The following SLCO1A2 variants were observed in gnomAD, a reference collection of about 807,000 sequenced individuals.
SLCO1A2 encodes OATP-1.
SLCO1A2 carries 67 observed loss-of-function variants against 69.0 expected under a neutral mutation model. That is an observed-to-expected ratio of 0.97 (90% CI 0.80 to 1.19). SLCO1A2 has a LOEUF of 1.19. Ranked by LOEUF, SLCO1A2 falls within the 50% of genes most tolerant of loss-of-function variation. The pLI, the probability that SLCO1A2 is intolerant of heterozygous loss-of-function variation, is 0.00. For synonymous variants in SLCO1A2, 260 were observed against 265.9 expected (o/e 0.98, Z 0.22); for missense variants, 787 against 793.7 (o/e 0.99, Z 0.10).
chr12:21,376,722 A>G (rs1940222471), intron 1 of SLCO1A2, among the ~76,000 whole-genome samples: 1 of 152,100 alleles, frequency 6.6e-6, no homozygotes, highest in Non-Finnish European at 1.5e-5. Context: ...ATCTCTACTT[A>G]GAGATAGAGA....
chr12:21,304,756 G>C (rs905027209), intron 5 of SLCO1A2, among the ~76,000 whole-genome samples, 183 bp from the exon 6 acceptor site: 3 of 152,170 alleles, frequency 2.0e-5, no homozygotes, highest in Non-Finnish European at 4.4e-5. Context: ...CAGTGGACTT[G>C]AGTATGGACA....
At chr12:21,344,887 C>A (rs996954145) in intron 2 of SLCO1A2, among the ~76,000 whole-genome samples, 1 of 151,940 alleles carries the variant, frequency 6.6e-6, no homozygotes, top group African/African-American at 2.4e-5. Context: ...TCTTAAATAA[C>A]TAATTGCAAT....
At position 21,359,884 on chromosome 12, in the gene SLCO1A2, A is replaced by C. The variant is rs77471698; in HGVS notation, c.-63+14515T>G. ...TTATTTGTAATAGCCTCAAACTAGA[A>C]ACAACCCGAAGTCCATTAACAAAAT... On this transcript the variant is annotated intron_variant, in intron 2 of 15. Transcript: ENST00000307378. Among the ~76,000 whole-genome samples the C allele has an allele frequency of 4.1e-4, 62 of 152,352 alleles. No individual in the cohort carries two copies. In the East Asian group the frequency reaches 0.012, roughly 29 times the overall value.
chr12:21,333,232 A>C (rs1254927256), intron 2 of SLCO1A2, among the ~76,000 whole-genome samples: 4 of 152,136 alleles, frequency 2.6e-5, no homozygotes, highest in African/African-American at 7.2e-5. Context: ...AATTAGATGG[A>C]TCATGACCTC....
At chr12:21,332,000 C>T (rs1437744444) in intron 2 of SLCO1A2, among the ~76,000 whole-genome samples, 1 of 152,104 alleles carries the variant, frequency 6.6e-6, no homozygotes, top group Non-Finnish European at 1.5e-5. Flanking sequence ...CATCAAAGGT[C>T]AGGGGCACCT....
At chr12:21,362,469 T>C (rs2137053119) in intron 2 of SLCO1A2, among the ~76,000 whole-genome samples, 1 of 152,150 alleles carries the variant, frequency 6.6e-6, no homozygotes, top group Non-Finnish European at 1.5e-5. Flanking sequence ...AGACCATTGG[T>C]ACTAGGAGGA....
intron 1 of SLCO1A2, among the ~76,000 whole-genome samples, chr12:21,374,764 A>T (rs1341059744): frequency 6.6e-6 from 1 of 152,134 alleles, no homozygotes; most frequent in Non-Finnish European, 1.5e-5. Context: ...CAATAGATAT[A>T]GAAATTTACT....
In SLCO1A2 at chr12:21,373,360, C is replaced by T. The variant is rs145555931; in HGVS notation, c.-63+1039G>A. 9.1e-5 allele frequency: 147 copies of T among 1,612,148 alleles called. 1 individual carries two copies. In the African/African-American group the frequency reaches 1.0e-3, roughly 11 times the overall value. ...AGAAAATTTGAGAAGCAATGGGCAT[C>T]CTGAAGCTGCAAGTATTTCTCATTG... On this transcript the variant is annotated intron_variant, in intron 2 of 15. Coordinates refer to the SLCO1A2 transcript ENST00000307378.
chr12:21,378,118 G>A, intron 1 of SLCO1A2: 1 of 887,418 alleles, frequency 1.1e-6, no homozygotes, highest in Non-Finnish European at 1.8e-6. Context: ...AAAACACTGA[G>A]TTACTTATGT....
At chr12:21,346,816 A>G (rs929385395) in intron 2 of SLCO1A2, among the ~76,000 whole-genome samples, 1 of 152,208 alleles carries the variant, frequency 6.6e-6, no homozygotes, top group Non-Finnish European at 1.5e-5. Context: ...ATTACAAGCC[A>G]TACATACACC....
intron 2 of SLCO1A2, among the ~76,000 whole-genome samples, chr12:21,352,052 G>T (rs1288668772): frequency 6.6e-6 from 1 of 152,140 alleles, no homozygotes; most frequent in African/African-American, 2.4e-5. Context: ...AGGACAGATT[G>T]AAAGGAATTC....
upstream of SLCO1A2, among the ~76,000 whole-genome samples, chr12:21,398,779 G>A (rs900638922): frequency 1.7e-4 from 25 of 149,998 alleles, no homozygotes; most frequent in Admixed American, 3.3e-4. Flanking sequence ...AAAACCACAT[G>A]ATTATCTCAA....
chr12:21,378,287 G>C, intron 1 of SLCO1A2: 1 of 1,614,130 alleles, frequency 6.2e-7, no homozygotes, highest in South Asian at 1.1e-5. Context: ...GCAACGCAGC[G>C]CCTGGCAAAT....
At chr12:21,364,371 T>C (rs1437774185) in intron 2 of SLCO1A2, among the ~76,000 whole-genome samples, 1 of 152,170 alleles carries the variant, frequency 6.6e-6, no homozygotes, top group African/African-American at 2.4e-5. Flanking sequence ...AAACTCTCAA[T>C]AAACTAGGTA....
chr12:21,391,717 C>T (rs990359325), intron 1 of SLCO1A2, among the ~76,000 whole-genome samples: 3 of 151,400 alleles, frequency 2.0e-5, no homozygotes, highest in African/African-American at 7.3e-5. Context: ...ACAGGCTGCA[C>T]TACTTTCCGT....
upstream of SLCO1A2, among the ~76,000 whole-genome samples, chr12:21,400,097 A>T (rs907222479): frequency 6.6e-6 from 1 of 151,956 alleles, no homozygotes; most frequent in Non-Finnish European, 1.5e-5. Flanking sequence ...GCAACCTACA[A>T]AATGGGAGGA....
At chr12:21,338,749 G>A (rs775155744), upstream of SLCO1A2, among the ~76,000 whole-genome samples, 23 of 151,496 alleles carry the variant, frequency 1.5e-4, no homozygotes, top group Admixed American at 1.3e-4. Context: ...TTTCCATTAC[G>A]TGCCAATATA....
intron 11 of SLCO1A2, 50 bp from the exon 12 acceptor site, chr12:21,292,386 AT>A (rs1377322028): frequency 2.0e-6 from 3 of 1,467,090 alleles, no homozygotes; most frequent in Non-Finnish European, 2.8e-6. Flanking sequence ...TTGAACACAA[AT>A]TTTAAACATT....
chr12:21,317,255 TTC>T (rs1459175904), intron 3 of SLCO1A2, among the ~76,000 whole-genome samples: 1 of 152,122 alleles, frequency 6.6e-6, no homozygotes, highest in Non-Finnish European at 1.5e-5. Flanking sequence ...ATTAACCCAT[TTC>T]TCACCCCTGC....
Sources: allele counts gnomAD v4.1 joint callset (sites outside exome capture counted in the v4.1 genomes callset), GRCh38; gene constraint gnomAD v4.1.1; transcripts MANE v1.5; gene names NCBI Gene and HGNC (gene_info 2026-07-23, HGNC 2026-07-21).